The following DRC8 variants were observed in gnomAD, a reference collection of about 807,000 sequenced individuals.
The protein encoded by DRC8 is dynein regulatory complex subunit 8.
the DRC8 span, among the ~76,000 whole-genome samples, chr1:245,054,763 TCTC>T: frequency 6.6e-6 from 1 of 152,238 alleles, no homozygotes; most frequent in Non-Finnish European, 1.5e-5. Flanking sequence ...GCCAGATCCT[TCTC>T]CTGCACTTCG....
chr1:245,114,439 TGGGC>T, the DRC8 span, among the ~76,000 whole-genome samples: 3 of 151,204 alleles, frequency 2.0e-5, no homozygotes, highest in Non-Finnish European at 2.9e-5. Context: ...CACTCCAGCC[TGGGC>T]GACAGAGTGA....
At chr1:245,098,897 A>G in the DRC8 span, among the ~76,000 whole-genome samples, 4 of 152,216 alleles carry the variant, frequency 2.6e-5, no homozygotes, top group African/African-American at 9.6e-5. Context: ...TAAGCCCTTC[A>G]CAAAAATGGT....
the DRC8 span, among the ~76,000 whole-genome samples, chr1:245,007,327 A>AT: frequency 6.6e-6 from 1 of 152,226 alleles, no homozygotes; most frequent in Non-Finnish European, 1.5e-5. Flanking sequence ...AATGCAGTAC[A>AT]TAATCTTTGA....
the DRC8 span, among the ~76,000 whole-genome samples, chr1:245,113,626 G>A: frequency 2.0e-5 from 3 of 152,008 alleles, no homozygotes; most frequent in Admixed American, 6.6e-5. Flanking sequence ...CATACAATAC[G>A]AACATTAACG....
chr1:245,064,864 C>T, the DRC8 span, among the ~76,000 whole-genome samples: 1 of 151,746 alleles, frequency 6.6e-6, no homozygotes, highest in East Asian at 1.9e-4. Flanking sequence ...AGTTTTTTTT[C>T]CCCAGAGTTT....
the DRC8 span, chr1:245,086,808 T>C: frequency 5.6e-6 from 3 of 533,646 alleles, no homozygotes; most frequent in African/African-American, 3.8e-5. Flanking sequence ...GCTCAAGATC[T>C]CAGAGCTCGT....
the DRC8 span, among the ~76,000 whole-genome samples, chr1:245,012,999 A>C: frequency 3.9e-5 from 6 of 152,346 alleles, no homozygotes; most frequent in African/African-American, 1.4e-4. Context: ...ATTAATCTCA[A>C]TCACATAAAA....
chr1:245,043,017 T>A, the DRC8 span, among the ~76,000 whole-genome samples: 1 of 152,220 alleles, frequency 6.6e-6, no homozygotes, highest in Admixed American at 6.5e-5. Flanking sequence ...GTCTTACTCC[T>A]ATGCCCACTA....
At chr1:245,018,573 C>T in the DRC8 span, among the ~76,000 whole-genome samples, 79,572 of 151,766 alleles carry the variant, frequency 0.52, 23,286 homozygotes, top group East Asian at 0.75. Flanking sequence ...GCAGGCAGCC[C>T]GGCCTGCAAT....
chr1:245,122,599 C>G, the DRC8 span: 37 of 152,322 alleles, frequency 2.4e-4, no homozygotes, highest in African/African-American at 8.7e-4. Context: ...GCTGGGACCA[C>G]AGGTGCATGC....
the DRC8 span, among the ~76,000 whole-genome samples, chr1:245,105,648 A>G: frequency 5.5e-4 from 83 of 152,048 alleles, no homozygotes; most frequent in African/African-American, 1.9e-3. Context: ...ACAAAAAACA[A>G]AAACAAAAAC....
chr1:245,004,822 A>G, the DRC8 span, among the ~76,000 whole-genome samples: 6 of 152,362 alleles, frequency 3.9e-5, no homozygotes, highest in African/African-American at 4.8e-5. Context: ...GAGGAAGTTC[A>G]CTTCTATTCC....
chr1:245,118,606 A>G, the DRC8 span, among the ~76,000 whole-genome samples: 3 of 152,058 alleles, frequency 2.0e-5, no homozygotes, highest in Non-Finnish European at 2.9e-5. Context: ...AGCCTGACCA[A>G]CAGGGAGAAA....
chr1:244,984,090 G>T, the DRC8 span, among the ~76,000 whole-genome samples: 13,984 of 151,846 alleles, frequency 0.092, 813 homozygotes, highest in East Asian at 0.24. Context: ...GAGTAGCTGG[G>T]ACTACAGGTG....
At chr1:245,017,366 C>T in the DRC8 span, 1 of 1,548,382 alleles carries the variant, frequency 6.5e-7, no homozygotes, top group Non-Finnish European at 8.7e-7. Flanking sequence ...TTTTAAATTA[C>T]TGATACAAGT....
At chr1:245,062,613 A>G in the DRC8 span, among the ~76,000 whole-genome samples, 18 of 152,202 alleles carry the variant, frequency 1.2e-4, no homozygotes, top group Admixed American at 9.8e-4. Flanking sequence ...AAACTAAAAG[A>G]TGATTTAAAA....
chr1:244,994,020 T>C, the DRC8 span, among the ~76,000 whole-genome samples: 1 of 152,184 alleles, frequency 6.6e-6, no homozygotes, highest in East Asian at 1.9e-4. Flanking sequence ...TCGTGGTTCA[T>C]AAAACTGAGC....
the DRC8 span, among the ~76,000 whole-genome samples, chr1:245,038,200 G>T: frequency 2.0e-5 from 3 of 152,210 alleles, no homozygotes; most frequent in Non-Finnish European, 4.4e-5. Flanking sequence ...GCCCAGCGTG[G>T]TGGCTCACAC....
At chr1:245,083,710 T>C in the DRC8 span, 2 of 1,596,144 alleles carry the variant, frequency 1.3e-6, no homozygotes, top group Non-Finnish European at 8.5e-7. Flanking sequence ...TTATTACTTA[T>C]CACAATGACT....
Sources: gnomAD v4.1 joint callset for allele counts (sites outside exome capture counted in the v4.1 genomes callset) on GRCh38, gnomAD v4.1.1 for gene constraint, MANE v1.5 for transcripts, NCBI Gene and HGNC (gene_info 2026-07-23, HGNC 2026-07-21) for gene names.